Variants in GNG7 observed in about 807,000 individuals in gnomAD.
GNG7 encodes G protein subunit gamma 7.
GNG7 carries 1 observed loss-of-function variant against 4.0 expected under a neutral mutation model. The ratio of observed to expected loss-of-function variants is 0.25; its 90% CI spans 0.09 to 1.18. The LOEUF (loss-of-function observed/expected upper bound fraction) is 1.18. Ranked by LOEUF, GNG7 falls within the 50% of genes most tolerant of loss-of-function variation. GNG7 has a pLI of 0.50. For synonymous variants in GNG7, 34 were observed against 36.9 expected (o/e 0.92, Z 0.29); for missense variants, 86 against 91.9 (o/e 0.94, Z 0.26).
At position 2,546,070 on chromosome 19, in the gene GNG7, T is replaced by C. The variant is rs139575502; in HGVS notation, c.-38+9079A>G. On this transcript the variant is annotated intron_variant, in intron 3 of 4. Transcript: ENST00000382159. This position sits in a 1 kb window ranked among gnomAD's most constrained non-coding sequence, Gnocchi z 6.3. ...GCACAGGGCAACGATCAGGCGTTGA[T>C]GTGTCCCCTGGCAGCTGGGATGCAG... Among the ~76,000 whole-genome samples the C allele has an allele frequency of 6.6e-6, 1 of 152,360 alleles. No individual in the cohort carries two copies. The highest frequency in any genetic ancestry group is 1.5e-5 in the Non-Finnish European group (1 of 68,034).
chr19:2,636,515 A>G (rs1982311696), intron 2 of GNG7, among the ~76,000 whole-genome samples: 2 of 152,208 alleles, frequency 1.3e-5, no homozygotes, highest in Non-Finnish European at 2.9e-5. Flanking sequence ...CCCTCCAGGG[A>G]TGCTTTATGC....
chr19:2,568,527 G>T (rs1980024214), intron 2 of GNG7, among the ~76,000 whole-genome samples: 1 of 148,228 alleles, frequency 6.7e-6, no homozygotes, highest in South Asian at 2.1e-4. Flanking sequence ...ACATACACGT[G>T]CACATATACA....
At chr19:2,529,029 C>G (rs1260668239) in intron 3 of GNG7, among the ~76,000 whole-genome samples, 1 of 152,256 alleles carries the variant, frequency 6.6e-6, no homozygotes, top group Non-Finnish European at 1.5e-5. Context: ...CCTGTCGCCA[C>G]TCCCCTGACC....
At chr19:2,600,062 AAAAT>A (rs1284219717) in intron 2 of GNG7, among the ~76,000 whole-genome samples, 1 of 151,932 alleles carries the variant, frequency 6.6e-6, no homozygotes, top group African/African-American at 2.4e-5. Context: ...GCTGTCATAT[AAAAT>A]AAATATATAT....
At chr19:2,567,303 G>A (rs1042146409) in intron 2 of GNG7, among the ~76,000 whole-genome samples, 2 of 120,692 alleles carry the variant, frequency 1.7e-5, no homozygotes, top group Non-Finnish European at 3.4e-5. Flanking sequence ...TCCATCTGCA[G>A]GTTTATTTCT....
At chr19:2,693,156 G>A (rs1913172377) in intron 1 of GNG7, among the ~76,000 whole-genome samples, 1 of 151,632 alleles carries the variant, frequency 6.6e-6, no homozygotes, top group African/African-American at 2.4e-5. Context: ...GGTGACATGT[G>A]CCTGTAGTCC....
intron 1 of GNG7, among the ~76,000 whole-genome samples, chr19:2,656,064 A>T (rs2144872195): frequency 7.1e-6 from 1 of 141,650 alleles, no homozygotes; most frequent in South Asian, 2.3e-4. Context: ...AAAAAAAAAG[A>T]AACATTGGTA....
chr19:2,695,020 G>C (rs1913212419), intron 1 of GNG7, among the ~76,000 whole-genome samples: 1 of 152,042 alleles, frequency 6.6e-6, no homozygotes, highest in African/African-American at 2.4e-5. Context: ...ACAAAAAAAA[G>C]TTTTAATTAG....
intron 1 of GNG7, among the ~76,000 whole-genome samples, chr19:2,689,198 C>CA (rs11308208): frequency 1.8e-3 from 261 of 145,932 alleles, no homozygotes; most frequent in Admixed American, 3.9e-3. Flanking sequence ...AAAAATAATG[C>CA]AAAAAAAAAG....
chr19:2,652,470 T>C (rs1982855634), intron 1 of GNG7, among the ~76,000 whole-genome samples: 1 of 151,634 alleles, frequency 6.6e-6, no homozygotes, highest in South Asian at 2.1e-4. Flanking sequence ...AAATATAAAA[T>C]TAGCCGGGCG....
chr19:2,557,821 T>G lies in GNG7; in HGVS notation c.-77-2633A>C, dbSNP rs1979613004. 6.6e-6 allele frequency among the ~76,000 whole-genome samples: 1 copy of G among 152,080 alleles called. No homozygotes were observed. The highest frequency in any genetic ancestry group is 2.4e-5 in the African/African-American group (1 of 41,418). Reference sequence around the variant, plus strand: ...CAGCTCCTTATTCTGATGGGGTGACTCGGTGCATTTCTCTCTCAGGCTTAC... The same window carrying G: ...CAGCTCCTTATTCTGATGGGGTGACGCGGTGCATTTCTCTCTCAGGCTTAC... On this transcript the variant is annotated intron_variant, in intron 2 of 4. Coordinates refer to ENST00000382159, the MANE Select transcript of GNG7 (RefSeq NM_052847.3). The surrounding 1 kb of genome is among the most constrained non-coding windows in gnomAD (Gnocchi z 5.1).
At chr19:2,666,840 G>A (rs1983323617) in intron 1 of GNG7, among the ~76,000 whole-genome samples, 1 of 152,182 alleles carries the variant, frequency 6.6e-6, no homozygotes, top group Non-Finnish European at 1.5e-5. Context: ...TGCCCCCAAG[G>A]CCATTGGTTG....
At chr19:2,681,066 C>T (rs147984131) in intron 1 of GNG7, among the ~76,000 whole-genome samples, 8 of 152,030 alleles carry the variant, frequency 5.3e-5, no homozygotes, top group Non-Finnish European at 2.9e-5. Flanking sequence ...GAAGTGAAAC[C>T]GACAGTTTTT....
At chr19:2,549,858 C>T (rs1167050030) in intron 3 of GNG7, among the ~76,000 whole-genome samples, 1 of 152,166 alleles carries the variant, frequency 6.6e-6, no homozygotes, top group African/African-American at 2.4e-5. Context: ...TTCGTCTTGG[C>T]CTCTGTCCCA....
At chr19:2,631,136 G>T (rs943922686) in intron 2 of GNG7, among the ~76,000 whole-genome samples, 1 of 152,170 alleles carries the variant, frequency 6.6e-6, no homozygotes, top group African/African-American at 2.4e-5. Context: ...TTTAGTATTA[G>T]ACAGCTTGAC....
At chr19:2,661,292 A>G (rs1195390832) in intron 1 of GNG7, among the ~76,000 whole-genome samples, 1 of 37,830 alleles carries the variant, frequency 2.6e-5, no homozygotes, top group Non-Finnish European at 5.2e-5. Flanking sequence ...GAAAGAAAGA[A>G]AGAAAGAAAG....
chr19:2,531,492 TCC>T (rs1978583768), intron 3 of GNG7, among the ~76,000 whole-genome samples: 1 of 151,926 alleles, frequency 6.6e-6, no homozygotes, highest in African/African-American at 2.4e-5. Flanking sequence ...AATAATACGA[TCC>T]CAGGCCTCAG....
intron 1 of GNG7, among the ~76,000 whole-genome samples, chr19:2,664,977 G>A (rs750279115): frequency 1.3e-5 from 2 of 151,664 alleles, no homozygotes; most frequent in East Asian, 2.0e-4. Context: ...GAAATTCCAC[G>A]GACCCCCAAG....
At chr19:2,641,095 G>A (rs1292763035) in intron 2 of GNG7, among the ~76,000 whole-genome samples, 10 of 152,328 alleles carry the variant, frequency 6.6e-5, no homozygotes, top group South Asian at 4.1e-4. Context: ...CTCGGGTCCC[G>A]CAGCTGACCC....
Sources: gnomAD v4.1 joint callset for allele counts (sites outside exome capture counted in the v4.1 genomes callset) on GRCh38, gnomAD v4.1.1 for gene constraint, Gnocchi (gnomAD v3.1) non-coding constraint, MANE v1.5 for transcripts, NCBI Gene and HGNC (gene_info 2026-07-23, HGNC 2026-07-21) for gene names.